Variants in PDZRN4 observed in about 807,000 individuals in gnomAD.
PDZRN4 encodes PDZ domain containing ring finger 4, also known as PDZ domain-containing RING finger protein 4.
A neutral mutation model predicts 99.0 loss-of-function variants in PDZRN4; 70 were observed. That is an observed-to-expected ratio of 0.71 (90% CI 0.58 to 0.86). The LOEUF (loss-of-function observed/expected upper bound fraction) is 0.86, where lower values mean the gene tolerates loss of function less well. Ranked by LOEUF, PDZRN4 falls within the 40% of genes least tolerant of loss-of-function variation. PDZRN4 has a pLI of 0.00. For missense variants in PDZRN4, 1,474 were observed against 1,331.2 expected (o/e 1.11, Z -1.67); for synonymous variants, 551 against 501.6 (o/e 1.10, Z -1.32).
At chr12:41,258,847 G>A (rs1486207446) in intron 3 of PDZRN4, among the ~76,000 whole-genome samples, 1 of 152,124 alleles carries the variant, frequency 6.6e-6, no homozygotes, top group Non-Finnish European at 1.5e-5. Context: ...AAAAGGGAAT[G>A]ATGGAGGTGC....
In PDZRN4 at chr12:41,458,643, A is replaced by G. The variant is rs191734069; in HGVS notation, c.844-47813A>G. Among the ~76,000 whole-genome samples, 11 of 152,298 alleles carry G rather than the reference A, an allele frequency of 7.2e-5. No homozygotes were observed. The East Asian group carries it at 1.9e-3, about 27-fold the overall frequency. ...GAAGTAAGGAGCTTTGCACGGCTAAATTCTGGGAGTTGAGGAGGATGGACT... is the reference window on the plus strand; with the variant it reads ...GAAGTAAGGAGCTTTGCACGGCTAAGTTCTGGGAGTTGAGGAGGATGGACT... On this transcript the variant is annotated intron_variant, in intron 3 of 9. Coordinates refer to ENST00000402685, the MANE Select transcript of PDZRN4 (RefSeq NM_001164595.2).
At chr12:41,304,940 A>C (rs138187144) in intron 3 of PDZRN4, among the ~76,000 whole-genome samples, 2 of 152,240 alleles carry the variant, frequency 1.3e-5, no homozygotes, top group African/African-American at 4.8e-5. Flanking sequence ...CAGTATGGGA[A>C]TATGACTATT....
At chr12:41,365,431 A>G (rs909883072) in intron 3 of PDZRN4, among the ~76,000 whole-genome samples, 29 of 152,072 alleles carry the variant, frequency 1.9e-4, no homozygotes, top group Admixed American at 1.6e-3. Flanking sequence ...CATGATTGCA[A>G]AAGACTCCCA....
chr12:41,249,833 G>T (rs555647532), intron 3 of PDZRN4, among the ~76,000 whole-genome samples: 2 of 152,126 alleles, frequency 1.3e-5, no homozygotes, highest in East Asian at 1.9e-4. Flanking sequence ...GAGTGCATTC[G>T]CATTCATAGG....
At chr12:41,331,411 G>A (rs1009845245) in intron 3 of PDZRN4, among the ~76,000 whole-genome samples, 2 of 151,946 alleles carry the variant, frequency 1.3e-5, no homozygotes, top group African/African-American at 4.8e-5. Context: ...GGATATGAAG[G>A]GCTACAACTA....
At chr12:41,242,016 C>T (rs929432718) in intron 3 of PDZRN4, among the ~76,000 whole-genome samples, 6 of 152,186 alleles carry the variant, frequency 3.9e-5, no homozygotes, top group Non-Finnish European at 7.3e-5. Context: ...TTGCAGCTCA[C>T]ACACAGTGTG....
intron 4 of PDZRN4, among the ~76,000 whole-genome samples, chr12:41,508,141 G>T (rs1333553562): frequency 4.6e-5 from 7 of 152,162 alleles, no homozygotes; most frequent in Non-Finnish European, 8.8e-5. Flanking sequence ...AACATTCTAT[G>T]TCTAAGATGA....
intron 3 of PDZRN4, among the ~76,000 whole-genome samples, chr12:41,422,883 T>G (rs577741858): frequency 2.0e-5 from 3 of 152,246 alleles, no homozygotes; most frequent in Admixed American, 2.0e-4. Context: ...ACAATGGAAA[T>G]TTCTTTTGTC....
intron 3 of PDZRN4, among the ~76,000 whole-genome samples, chr12:41,263,201 G>T (rs1264846465): frequency 2.0e-5 from 3 of 152,000 alleles, no homozygotes; most frequent in Non-Finnish European, 4.4e-5. Flanking sequence ...TTTTGGTGGT[G>T]GTGGGGGAAT....
At chr12:41,253,654 GATGAAATTC>G (rs1951186029) in intron 3 of PDZRN4, among the ~76,000 whole-genome samples, 1 of 152,078 alleles carries the variant, frequency 6.6e-6, no homozygotes, top group Non-Finnish European at 1.5e-5. Context: ...TGGCCAAAAA[GATGAAATTC>G]AATATATCAA....
chr12:41,525,463 TATC>T (rs560289440), intron 5 of PDZRN4, among the ~76,000 whole-genome samples: 50 of 152,280 alleles, frequency 3.3e-4, no homozygotes, highest in Middle Eastern at 3.4e-3. Context: ...GAACATGTAA[TATC>T]ATGGCTGACA....
chr12:41,347,304 G>A (rs1565558333), intron 3 of PDZRN4, among the ~76,000 whole-genome samples: 1 of 152,030 alleles, frequency 6.6e-6, no homozygotes, highest in Non-Finnish European at 1.5e-5. Flanking sequence ...ATTTTCTTCA[G>A]CACTTCCTAT....
intron 3 of PDZRN4, among the ~76,000 whole-genome samples, chr12:41,478,369 G>A (rs1252319129): frequency 1.3e-5 from 2 of 152,196 alleles, no homozygotes; most frequent in East Asian, 1.9e-4. Context: ...GCCTGTCTCA[G>A]CCTCCCAAAG....
At chr12:41,555,109 T>C (rs1317269717) in intron 6 of PDZRN4, among the ~76,000 whole-genome samples, 3 of 146,038 alleles carry the variant, frequency 2.1e-5, no homozygotes, top group Non-Finnish European at 4.5e-5. Context: ...CAGGCATCTG[T>C]AGTCACAGCT....
At chr12:41,351,450 G>T (rs963767714) in intron 3 of PDZRN4, among the ~76,000 whole-genome samples, 1 of 152,034 alleles carries the variant, frequency 6.6e-6, no homozygotes, top group East Asian at 1.9e-4. Flanking sequence ...AATTTACAAA[G>T]AAAAGAGGTT....
At chr12:41,388,243 A>G (rs531300215) in intron 3 of PDZRN4, among the ~76,000 whole-genome samples, 2 of 152,282 alleles carry the variant, frequency 1.3e-5, no homozygotes, top group East Asian at 3.9e-4. Context: ...GCTGGGGCCT[A>G]TTAGAGCATG....
intron 3 of PDZRN4, among the ~76,000 whole-genome samples, chr12:41,211,622 G>A (rs555363539): frequency 6.6e-6 from 1 of 151,876 alleles, no homozygotes; most frequent in Non-Finnish European, 1.5e-5. Flanking sequence ...TGAAATACAA[G>A]GAAATTCAGG....
At chr12:41,447,791 A>G (rs1486375714) in intron 3 of PDZRN4, among the ~76,000 whole-genome samples, 1 of 152,060 alleles carries the variant, frequency 6.6e-6, no homozygotes, top group Non-Finnish European at 1.5e-5. Flanking sequence ...TGTTCATTTT[A>G]TTGTAAATAC....
chr12:41,539,373 T>C (rs1472145182), intron 5 of PDZRN4, among the ~76,000 whole-genome samples: 1 of 152,090 alleles, frequency 6.6e-6, no homozygotes, highest in African/African-American at 2.4e-5. Flanking sequence ...CACAGTTTAA[T>C]TTATTTGATT....
Sources: allele counts gnomAD v4.1 joint callset (sites outside exome capture counted in the v4.1 genomes callset), GRCh38; gene constraint gnomAD v4.1.1; transcripts MANE v1.5; gene names NCBI Gene and HGNC (gene_info 2026-07-23, HGNC 2026-07-21).